The following ZC3H12B variants were observed in gnomAD, a reference collection of about 807,000 sequenced individuals.
The protein encoded by ZC3H12B is zinc finger CCCH-type containing 12B, also known as probable ribonuclease ZC3H12B.
In ZC3H12B, 7 loss-of-function variants were observed where a neutral mutation model predicts 43.9. The ratio of observed to expected loss-of-function variants is 0.16; its 90% CI spans 0.09 to 0.30. The LOEUF (loss-of-function observed/expected upper bound fraction) is 0.30. Ranked by LOEUF, ZC3H12B falls within the 10% of genes least tolerant of loss-of-function variation. The probability of loss-of-function intolerance (pLI) is 1.00; values close to 1 mark genes in which losing one functional copy is unlikely to be tolerated. For missense variants in ZC3H12B, 475 were observed against 670.2 expected, an observed-to-expected ratio of 0.71 and a Z score of 3.22; for synonymous variants, 222 against 241.7, an observed-to-expected ratio of 0.92 and a Z score of 0.76.
At chrX:65,265,714 G>T in the ZC3H12B span, among the ~76,000 whole-genome samples, 3 of 111,680 alleles carry the variant, frequency 2.7e-5, no homozygotes, top group Non-Finnish European at 5.7e-5. Flanking sequence ...ATTTGTTGTG[G>T]TTGTTGTTAT....
chrX:65,333,454 T>C, the ZC3H12B span, among the ~76,000 whole-genome samples: 1 of 112,165 alleles, frequency 8.9e-6, no homozygotes, highest in Admixed American at 9.5e-5. Flanking sequence ...AGCAGTATAG[T>C]TTACTCAATT....
the ZC3H12B span, among the ~76,000 whole-genome samples, chrX:65,327,417 T>C: frequency 9.0e-6 from 1 of 111,428 alleles, no homozygotes; most frequent in Non-Finnish European, 1.9e-5. Flanking sequence ...TAGGTATACA[T>C]ACATTGTGTC....
the ZC3H12B span, among the ~76,000 whole-genome samples, chrX:65,243,897 G>A: frequency 5.4e-5 from 6 of 111,882 alleles, no homozygotes; most frequent in East Asian, 1.4e-3. Flanking sequence ...ACTTATTGTT[G>A]CTCATATGTT....
chrX:65,502,386 G>C, exon 5 of ZC3H12B: 10 of 1,211,303 alleles, frequency 8.3e-6, no homozygotes, highest in Non-Finnish European at 1.1e-5. Context: ...ATGCATAACC[G>C]AGAGTATTAC....
At chrX:65,472,908 TTATATATATGTTTGTGTA>T (rs1179219128) in intron 3 of ZC3H12B, among the ~76,000 whole-genome samples, 2 of 82,975 alleles carry the variant, frequency 2.4e-5, no homozygotes, top group East Asian at 3.4e-4. Flanking sequence ...ATATATATGT[TTATATATATGTTTGTGTA>T]TATATATATG....
At chrX:65,161,839 T>C in the ZC3H12B span, among the ~76,000 whole-genome samples, 1 of 112,022 alleles carries the variant, frequency 8.9e-6, no homozygotes, top group Non-Finnish European at 1.9e-5. Flanking sequence ...TGCTCACTAG[T>C]TGATGCAGTT....
the ZC3H12B span, among the ~76,000 whole-genome samples, chrX:65,347,896 C>A: frequency 1.2e-4 from 13 of 112,228 alleles, no homozygotes; most frequent in African/African-American, 4.2e-4. Flanking sequence ...CCATGGAATA[C>A]CATGCAGCCA....
chrX:65,418,594 C>A (rs183916883), intron 3 of ZC3H12B, among the ~76,000 whole-genome samples: 1 of 111,803 alleles, frequency 8.9e-6, no homozygotes, highest in Non-Finnish European at 1.9e-5. Context: ...AAGCAACAAT[C>A]AGAATAGCCT....
At chrX:65,121,703 G>T in the ZC3H12B span, among the ~76,000 whole-genome samples, 1 of 111,067 alleles carries the variant, frequency 9.0e-6, no homozygotes, top group African/African-American at 3.3e-5. Flanking sequence ...TTTTGAATGT[G>T]TTTGCTCTTG....
chrX:65,107,163 T>G, the ZC3H12B span, among the ~76,000 whole-genome samples: 3 of 111,631 alleles, frequency 2.7e-5, no homozygotes, highest in Non-Finnish European at 5.7e-5. Context: ...AGGAAGGACC[T>G]TGAATGACAA....
At chrX:65,056,281 T>G in the ZC3H12B span, among the ~76,000 whole-genome samples, 10 of 111,768 alleles carry the variant, frequency 8.9e-5, no homozygotes, top group Non-Finnish European at 1.7e-4. Flanking sequence ...GAGATTCTGG[T>G]ATGTTGTGTC....
the ZC3H12B span, among the ~76,000 whole-genome samples, chrX:65,359,488 G>T: frequency 9.0e-6 from 1 of 111,731 alleles, no homozygotes; most frequent in Non-Finnish European, 1.9e-5. Context: ...ACATTAACAG[G>T]AGTTTGGAAT....
At chrX:65,098,225 T>TACACACACAC in the ZC3H12B span, among the ~76,000 whole-genome samples, 2,042 of 96,130 alleles carry the variant, frequency 0.021, 67 homozygotes, top group African/African-American at 0.078. Flanking sequence ...CATGTCTTAG[T>TACACACACAC]ACACACACAC....
chrX:65,306,629 C>T, the ZC3H12B span, among the ~76,000 whole-genome samples: 3 of 111,804 alleles, frequency 2.7e-5, no homozygotes, highest in Admixed American at 2.9e-4. Flanking sequence ...CCCGCCTCGG[C>T]CTCCCAAAGT....
chrX:65,180,580 A>G, the ZC3H12B span, among the ~76,000 whole-genome samples: 3 of 111,799 alleles, frequency 2.7e-5, no homozygotes, highest in African/African-American at 9.7e-5. Flanking sequence ...AGGATACAGA[A>G]TCAATGTGCA....
At chrX:65,277,202 C>A in the ZC3H12B span, among the ~76,000 whole-genome samples, 1 of 110,875 alleles carries the variant, frequency 9.0e-6, no homozygotes, top group African/African-American at 3.3e-5. Flanking sequence ...ACACTGGAGC[C>A]CTTAAGTATA....
At chrX:65,436,872 C>A (rs777999114) in intron 3 of ZC3H12B, among the ~76,000 whole-genome samples, 1 of 111,086 alleles carries the variant, frequency 9.0e-6, no homozygotes, top group Non-Finnish European at 1.9e-5. Context: ...TATTTTAAAA[C>A]GTACAACAAA....
chrX:65,249,660 C>T, the ZC3H12B span, among the ~76,000 whole-genome samples: 1 of 111,394 alleles, frequency 9.0e-6, no homozygotes, highest in Admixed American at 9.6e-5. Flanking sequence ...TGATCATTTT[C>T]ACAATATTCA....
the ZC3H12B span, among the ~76,000 whole-genome samples, chrX:65,099,487 C>A: frequency 3.6e-5 from 4 of 111,588 alleles, no homozygotes; most frequent in African/African-American, 1.3e-4. Flanking sequence ...CTCTGGCTGG[C>A]ACCAGGCCAG....
Sources: allele counts gnomAD v4.1 joint callset (sites outside exome capture counted in the v4.1 genomes callset), GRCh38; gene constraint gnomAD v4.1.1; transcripts MANE v1.5; gene names NCBI Gene and HGNC (gene_info 2026-07-23, HGNC 2026-07-21).